Variants in BEND5 observed in about 807,000 individuals in gnomAD.
BEND5 encodes BEN domain-containing protein 5.
BEND5 carries 22 observed loss-of-function variants against 43.9 expected under a neutral mutation model. The ratio of observed to expected loss-of-function variants is 0.50; its 90% CI spans 0.36 to 0.72. The LOEUF (loss-of-function observed/expected upper bound fraction) is 0.72, where lower values mean the gene tolerates loss of function less well. BEND5 is among the 30% of genes least tolerant of loss of function. The pLI is 0.00. For missense variants in BEND5, 428 were observed against 550.6 expected, an observed-to-expected ratio of 0.78 and a Z score of 2.23; for synonymous variants, 228 against 225.9, an observed-to-expected ratio of 1.01 and a Z score of -0.08.
At chr1:48,770,800 T>A (rs1644783185) in intron 1 of BEND5, among the ~76,000 whole-genome samples, 1 of 152,204 alleles carries the variant, frequency 6.6e-6, no homozygotes, top group Non-Finnish European at 1.5e-5. Flanking sequence ...ACCAGTCAGT[T>A]ACTAAGTCCC....
chr1:48,733,956 T>C (rs1442306170), intron 5 of BEND5, among the ~76,000 whole-genome samples: 5 of 152,224 alleles, frequency 3.3e-5, no homozygotes, highest in Admixed American at 1.3e-4. Context: ...CATGTGATAA[T>C]GGCAGGAATA....
intron 1 of BEND5, among the ~76,000 whole-genome samples, chr1:48,766,133 C>A (rs536377979): frequency 3.3e-5 from 5 of 152,136 alleles, no homozygotes; most frequent in Non-Finnish European, 7.3e-5. Context: ...GGAATGTCTA[C>A]TACATGTCAG....
At chr1:48,754,215 C>T (rs1156426150) in intron 3 of BEND5, among the ~76,000 whole-genome samples, 2 of 152,138 alleles carry the variant, frequency 1.3e-5, no homozygotes, top group Admixed American at 6.5e-5. Context: ...CCAAGAGAGA[C>T]CCTAGAATTT....
At chr1:48,733,851 T>C (rs753869908) in intron 5 of BEND5, among the ~76,000 whole-genome samples, 1 of 152,220 alleles carries the variant, frequency 6.6e-6, no homozygotes, top group African/African-American at 2.4e-5. Context: ...GTGCCTACTA[T>C]GTGCCAGACA....
Position 48,742,652 on chromosome 1 carries a change from TGACAGGC to T in BEND5, c.858_864del (p.Pro287TrpfsTer6). ...CCATTGTCTAGGATATACTTGTCCA[TGACAGGC>T]GCAGGAGCGGGGTAATAGGACGACG... On this transcript the variant is annotated frameshift_variant, in exon 4 of 6. Transcript: ENST00000371833. LOFTEE classifies it high-confidence loss of function. 1 of 1,605,266 alleles carries T rather than the reference TGACAGGC, an allele frequency of 6.2e-7. No individual in the cohort carries two copies. Among genetic ancestry groups the T allele is most frequent in the Non-Finnish European group, 8.5e-7 (1 of 1,175,500 alleles).
chr1:48,740,886 T>A (rs1006797610), intron 4 of BEND5, among the ~76,000 whole-genome samples: 1 of 152,200 alleles, frequency 6.6e-6, no homozygotes, highest in Non-Finnish European at 1.5e-5. Context: ...AAACTCTCTC[T>A]GCCTGACTAC....
chr1:48,742,553 A>T, intron 4 of BEND5, 70 bp downstream of exon 4: 1 of 1,360,136 alleles, frequency 7.4e-7, no homozygotes, highest in Non-Finnish European at 9.6e-7. Context: ...GAAAGCTCCC[A>T]CCATACTCTC....
intron 1 of BEND5, among the ~76,000 whole-genome samples, chr1:48,770,455 C>CT (rs1324915535): frequency 6.6e-6 from 1 of 152,040 alleles, no homozygotes; most frequent in Non-Finnish European, 1.5e-5. Flanking sequence ...TCCCCAGTCA[C>CT]TTTTTTTTCA....
At chr1:48,751,550 A>G (rs543724478) in intron 3 of BEND5, among the ~76,000 whole-genome samples, 24 of 152,268 alleles carry the variant, frequency 1.6e-4, no homozygotes, top group Admixed American at 1.3e-3. Context: ...TTATATATGG[A>G]AAGTATTTAG....
chr1:48,763,472 G>T (rs140325081), intron 1 of BEND5, among the ~76,000 whole-genome samples: 121 of 152,042 alleles, frequency 8.0e-4, no homozygotes, highest in East Asian at 1.9e-3. Context: ...GTGTTTTTTT[G>T]TGTGTGTGTA....
intron 1 of BEND5, among the ~76,000 whole-genome samples, chr1:48,762,107 A>G (rs1403121098): frequency 1.3e-5 from 2 of 152,210 alleles, no homozygotes. Flanking sequence ...CTCATGTTAC[A>G]TGAGGAAATT....
chr1:48,764,844 G>A (rs780576795), intron 1 of BEND5, among the ~76,000 whole-genome samples: 33 of 152,180 alleles, frequency 2.2e-4, no homozygotes, highest in Non-Finnish European at 3.2e-4. Flanking sequence ...AAGGTGCAGC[G>A]GATGACAGAG....
intron 1 of BEND5, among the ~76,000 whole-genome samples, chr1:48,774,837 A>G (rs1570632558): frequency 6.6e-6 from 1 of 152,342 alleles, no homozygotes; most frequent in African/African-American, 2.4e-5. Flanking sequence ...GATGAATGAA[A>G]CAATCTCCAA....
At chr1:48,730,266 T>C (rs1487365099) in intron 5 of BEND5, among the ~76,000 whole-genome samples, 1 of 152,156 alleles carries the variant, frequency 6.6e-6, no homozygotes, top group East Asian at 1.9e-4. Context: ...AGTGACTTTG[T>C]AGGAACCTGA....
intron 5 of BEND5, among the ~76,000 whole-genome samples, chr1:48,728,385 CT>C (rs1647531328): frequency 2.7e-5 from 4 of 147,522 alleles, no homozygotes; most frequent in African/African-American, 7.5e-5. Flanking sequence ...TTTTTTTTTT[CT>C]TTTAGTGTTA....
chr1:48,754,827 G>C (rs1287744746), intron 3 of BEND5, among the ~76,000 whole-genome samples: 1 of 152,068 alleles, frequency 6.6e-6, no homozygotes, highest in Non-Finnish European at 1.5e-5. Context: ...CCCATGTTGG[G>C]AAAAATGAAG....
chr1:48,757,465 A>C (rs1204025341), intron 3 of BEND5, among the ~76,000 whole-genome samples: 1 of 152,190 alleles, frequency 6.6e-6, no homozygotes, highest in Non-Finnish European at 1.5e-5. Context: ...GACAATGGCC[A>C]AGGCAATGGT....
At chr1:48,757,673 T>C (rs1350621447) in intron 3 of BEND5, among the ~76,000 whole-genome samples, 1 of 152,192 alleles carries the variant, frequency 6.6e-6, no homozygotes, top group South Asian at 2.1e-4. Flanking sequence ...GGGATATACT[T>C]TAAGAAGCAA....
At chr1:48,754,142 T>G (rs959150112) in intron 3 of BEND5, among the ~76,000 whole-genome samples, 2 of 152,152 alleles carry the variant, frequency 1.3e-5, no homozygotes, top group African/African-American at 4.8e-5. Flanking sequence ...TGTAACAAAC[T>G]GGGGAGGACA....
Sources: allele counts gnomAD v4.1 joint callset (sites outside exome capture counted in the v4.1 genomes callset), GRCh38; gene constraint gnomAD v4.1.1; transcripts MANE v1.5; gene names NCBI Gene and HGNC (gene_info 2026-07-23, HGNC 2026-07-21).